Variants in LRWD1 observed in about 807,000 individuals in gnomAD.
LRWD1 encodes leucine rich repeats and WD repeat domain containing 1.
LRWD1 carries 76 observed loss-of-function variants against 75.6 expected under a neutral mutation model. The observed-to-expected ratio is 1.01, with a 90% CI of 0.84 to 1.22. The LOEUF (loss-of-function observed/expected upper bound fraction) is 1.22, where lower values mean the gene tolerates loss of function less well. LRWD1 is among the 50% of genes most tolerant of loss of function. LRWD1 has a pLI of 0.00. For synonymous variants in LRWD1, 487 were observed against 377.0 expected (o/e 1.29, Z -3.38); for missense variants, 917 against 862.0 (o/e 1.06, Z -0.80).
chr7:102,472,418 G>A (rs1359456771), intron 12 of LRWD1, 36 bp from the exon 13 acceptor site: 1 of 1,545,128 alleles, frequency 6.5e-7, no homozygotes, highest in Non-Finnish European at 8.7e-7. Context: ...TGTCTGGGAG[G>A]GGCCACCCTG....
Position 102,465,061 on chromosome 7 carries a change from G to T in LRWD1, c.-20G>T. 1 of 1,476,006 alleles carries T rather than the reference G, an allele frequency of 6.8e-7. No homozygotes were observed. Among genetic ancestry groups the T allele is most frequent in the Admixed American group, 2.6e-5 (1 of 38,474 alleles). The allele number at this position is 1,476,006 out of a possible 1,614,324, so 91.4% of individuals were successfully genotyped here. On this transcript the variant is annotated 5_prime_UTR_variant, in exon 1 of 15. Coordinates refer to ENST00000292616, the MANE Select transcript of LRWD1 (RefSeq NM_152892.3). ...CGCCGGGGTGGCCGACTGGGTCAGC[G>T]CGGGCTGCGCCTCCTCGCCATGGGC...
intron 2 of LRWD1, 42 bp from the exon 3 acceptor site, chr7:102,466,112 C>G (rs373947079): frequency 6.2e-7 from 1 of 1,610,808 alleles, no homozygotes; most frequent in African/African-American, 1.3e-5. Context: ...GGCTCAGGCT[C>G]AGCATCTCCT....
At chr7:102,467,590 T>G (rs887017987) in intron 4 of LRWD1, 111 bp downstream of exon 4, 2 of 1,523,942 alleles carry the variant, frequency 1.3e-6, no homozygotes, top group Non-Finnish European at 1.8e-6. Flanking sequence ...TGAGTCAGGG[T>G]GGGCAGCCCT....
rs2133270462 is a variant in LRWD1, at chr7:102,469,984, A to G, written c.1442+102A>G. The G allele has an allele frequency of 3.6e-6, 5 of 1,381,628 alleles. No individual in the cohort carries two copies. In the South Asian group the frequency reaches 7.8e-5, roughly 22 times the overall value. 85.6% of individuals were successfully genotyped at this position (1,381,628 alleles called of 1,614,324 possible). On this transcript the variant is annotated intron_variant, in intron 11 of 14. Transcript: ENST00000292616. ...GCCTGGGCACACCCGGGTAACCATA[A>G]GGGTTGTTTTTAGAGGCCTCTTCGC...
chr7:102,473,062 G>T lies in LRWD1; in HGVS notation c.*13G>T, dbSNP rs146938090. On this transcript the variant is annotated 3_prime_UTR_variant, in exon 15 of 15. Transcript: ENST00000292616. Reference sequence around the variant, plus strand: ...GGGGAGGATGTAGCCTCACACCATCGCAAAGGACCAGGGACACAGCTAACT... The same window carrying T: ...GGGGAGGATGTAGCCTCACACCATCTCAAAGGACCAGGGACACAGCTAACT... 1.1e-5 allele frequency: 17 copies of T among 1,601,870 alleles called. No individual in the cohort carries two copies. Among genetic ancestry groups the T allele is most frequent in the Non-Finnish European group, 1.4e-5 (17 of 1,173,818 alleles).
At position 102,468,547 on chromosome 7, in the gene LRWD1, C is replaced by A. The variant is rs1385847113; in HGVS notation, c.920-7C>A. 3.8e-6 allele frequency: 6 copies of A among 1,561,684 alleles called. No homozygotes were observed. The highest frequency in any genetic ancestry group is 2.4e-5 in the East Asian group (1 of 41,770). Reference sequence around the variant, plus strand: ...GCTCATCCGACCTCTCAAAACCGGGCACTCAGGGGCCACATCCCAGACCGT... The same window carrying A: ...GCTCATCCGACCTCTCAAAACCGGGAACTCAGGGGCCACATCCCAGACCGT... On this transcript the variant is annotated splice_region_variant and splice_polypyrimidine_tract_variant and intron_variant, in intron 7 of 14. Transcript: ENST00000292616.
rs771764805 is a variant in LRWD1 at position 102,469,860 on chromosome 7, C to T, written c.1420C>T (p.Leu474=). The change falls in exon 11 of 15, where the codon CTG becomes TTG. Residue 474 remains leucine, a synonymous_variant. Coordinates refer to ENST00000292616, the MANE Select transcript of LRWD1 (RefSeq NM_152892.3). ...EGGCCCWDVR[L]DQPQKRRVCE... ...CGGCTGCTGCTGCTGGGACGTGCGG[C>T]TGGACCAGCCCCAAAAGAGGAGGTG... 3.2e-6 allele frequency: 5 copies of T among 1,586,382 alleles called. No homozygotes were observed. In the Admixed American group the frequency reaches 7.0e-5, roughly 22 times the overall value.
At position 102,465,112 on chromosome 7, in the gene LRWD1, A is replaced by G. The variant is rs1299107006; in HGVS notation, c.32A>G (p.Gln11Arg). MGPLSARLLM[Q>R]RGRPKSDRLG... ...CCCCTCTCGGCGCGGCTGCTAATGCAGCGCGGGCGCCCCAAGAGCGACCGG... is the reference window on the plus strand; with the variant it reads ...CCCCTCTCGGCGCGGCTGCTAATGCGGCGCGGGCGCCCCAAGAGCGACCGG... The change falls in exon 1 of 15, where the codon CAG becomes CGG. Residue 11 changes from glutamine to arginine, a missense_variant. Physicochemically the swap from Gln to Arg is conservative, Grantham distance 43 (BLOSUM62 1). Transcript: ENST00000292616. The G allele has an allele frequency of 2.0e-6, 3 of 1,512,834 alleles. No individual in the cohort carries two copies. The highest frequency in any genetic ancestry group is 2.6e-6 in the Non-Finnish European group (3 of 1,134,534). The allele number at this position is 1,512,834 out of a possible 1,614,324, so 93.7% of individuals were successfully genotyped here.
At position 102,468,980 on chromosome 7, in the gene LRWD1, C is replaced by T; in HGVS notation, c.1146C>T (p.Gly382=). ...GLVRLLHVRA[G]FCCGVIRAHK... ...TCCGGCTGCTGCACGTGCGTGCCGG[C>T]TTCTGCTGCGGGGTCATCCGAGCCC... Residue 382 remains glycine, a synonymous_variant, in exon 9 of 15, where the codon GGC becomes GGT. Transcript: ENST00000292616. 3 of 1,612,812 alleles carry T rather than the reference C, an allele frequency of 1.9e-6. No homozygotes were observed. Among genetic ancestry groups the T allele is most frequent in the Non-Finnish European group, 2.5e-6 (3 of 1,179,848 alleles).
At chr7:102,467,082 TG>T (rs1798008910) in intron 3 of LRWD1, among the ~76,000 whole-genome samples, 1 of 147,410 alleles carries the variant, frequency 6.8e-6, no homozygotes, top group Non-Finnish European at 1.5e-5. Flanking sequence ...TGTGTGTGTG[TG>T]TGTGTGTGTG....
Position 102,465,090 on chromosome 7 carries a change from C to T in LRWD1, c.10C>T (p.Leu4Phe), listed in dbSNP as rs1454372987. Residue 4 changes from leucine to phenylalanine, a missense_variant, in exon 1 of 15, where the codon CTC (leucine) becomes TTC (phenylalanine). By Grantham distance (22) the Leu-to-Phe change is conservative (BLOSUM62 0). Coordinates refer to ENST00000292616, the MANE Select transcript of LRWD1 (RefSeq NM_152892.3). ...GCTGCGCCTCCTCGCCATGGGCCCC[C>T]TCTCGGCGCGGCTGCTAATGCAGCG... MGPLSARLLMQRGR... is the reference protein window; with the variant it reads MGPFSARLLMQRGR... The T allele has an allele frequency of 2.0e-6, 3 of 1,496,692 alleles. No individual in the cohort carries two copies. The highest frequency in any genetic ancestry group is 2.7e-6 in the Non-Finnish European group (3 of 1,125,716). 92.7% of individuals were successfully genotyped at this position (1,496,692 alleles called of 1,614,324 possible). A position where few individuals can be genotyped will look rare whatever the true frequency, so the allele number is the denominator to read the frequency against.
rs746712396 is a variant in LRWD1, at chr7:102,468,606, T to G, written c.972T>G (p.Ile324Met). 6.3e-7 allele frequency: 1 copy of G among 1,578,568 alleles called. No homozygotes were observed. Among genetic ancestry groups the G allele is most frequent in the Non-Finnish European group, 8.6e-7 (1 of 1,162,200 alleles). Reference sequence around the variant, plus strand: ...GCGGCGGGGAGGCTGTGTGCGTAATTGATTGCCAGACGGGCATCGTGCTCC... The same window carrying G: ...GCGGCGGGGAGGCTGTGTGCGTAATGGATTGCCAGACGGGCATCGTGCTCC... ...ATCGGEAVCVIDCQTGIVLHK... is the reference protein window; with the variant it reads ...ATCGGEAVCVMDCQTGIVLHK... Residue 324 changes from isoleucine to methionine, a missense_variant, in exon 8 of 15, where the codon ATT becomes ATG. By Grantham distance (10) the Ile-to-Met change is conservative (BLOSUM62 1). Transcript: ENST00000292616.
intron 3 of LRWD1, among the ~76,000 whole-genome samples, chr7:102,466,760 C>CTTTTTTTGTTTTTTTTTTT (rs1797991450): frequency 3.8e-5 from 2 of 53,050 alleles, no homozygotes; most frequent in African/African-American, 1.8e-4. Context: ...TCTTTTTTAC[C>CTTTTTTTGTTTTTTTTTTT]TTTTTTTTTT....
rs35310665 is a variant in LRWD1, at chr7:102,467,816, A to G, written c.671A>G (p.Lys224Arg). The G allele has an allele frequency of 0.067, 104,396 of 1,549,940 alleles. 3,817 individuals are homozygous for G. Among genetic ancestry groups the G allele is most frequent in the Non-Finnish European group, 0.074 (85,342 of 1,146,818 alleles). The change falls in exon 5 of 15, where the codon AAG becomes AGG. Residue 224 changes from lysine (K) to arginine (R), a missense_variant. Transcript: ENST00000292616. ...EKPPEAGAAH[K>R]PRARLAALKR... ...CCCCCAGAAGCTGGAGCTGCCCACAAGCCCAGGGTGAGTGCAGCTCCCAGG... is the reference window on the plus strand; with the variant it reads ...CCCCCAGAAGCTGGAGCTGCCCACAGGCCCAGGGTGAGTGCAGCTCCCAGG...
intron 11 of LRWD1, chr7:102,471,873 C>T (rs749239481): frequency 7.7e-5 from 22 of 284,190 alleles, no homozygotes; most frequent in Non-Finnish European, 1.4e-4. Flanking sequence ...CTGGAAACAC[C>T]TGCTCTACTT....
rs368416746 is a variant in LRWD1, at chr7:102,469,559, C to G, written c.1229-15C>G. Reference sequence around the variant, plus strand: ...ATCTCAGGGCCACTTCTCCCCTACCCCACCCCCTCTTCAGCGGCCTCCTAT... The same window carrying G: ...ATCTCAGGGCCACTTCTCCCCTACCGCACCCCCTCTTCAGCGGCCTCCTAT... On this transcript the variant is annotated splice_polypyrimidine_tract_variant and intron_variant, in intron 9 of 14. Transcript: ENST00000292616. 2 of 1,613,876 alleles carry G rather than the reference C, an allele frequency of 1.2e-6. No individual in the cohort carries two copies. Among genetic ancestry groups the G allele is most frequent in the Non-Finnish European group, 1.7e-6 (2 of 1,179,900 alleles).
rs34048535 is a variant in LRWD1 at position 102,467,748 on chromosome 7, C to T, written c.603C>T (p.Ala201=). The change falls in exon 5 of 15, where the codon GCC becomes GCT. Residue 201 remains alanine, a synonymous_variant. Coordinates refer to ENST00000292616, the MANE Select transcript of LRWD1 (RefSeq NM_152892.3). ...RVRMISEELV[A]ASRTQVQKAN... is the part of the protein sequence containing the mutation. ...GGATGATCTCTGAGGAGCTGGTGGCCGCCAGTAGGACCCAGGTGCAAAAGG... is the reference window on the plus strand; with the variant it reads ...GGATGATCTCTGAGGAGCTGGTGGCTGCCAGTAGGACCCAGGTGCAAAAGG... The T allele has an allele frequency of 2.4e-5, 37 of 1,551,660 alleles. No individual in the cohort carries two copies. Among genetic ancestry groups the T allele is most frequent in the African/African-American group, 1.5e-4 (11 of 73,066 alleles).
chr7:102,473,036 G>C lies in LRWD1; in HGVS notation c.1931G>C (p.Trp644Ser). 5.0e-6 allele frequency: 8 copies of C among 1,613,438 alleles called. No homozygotes were observed. Among genetic ancestry groups the C allele is most frequent in the Non-Finnish European group, 6.8e-6 (8 of 1,179,654 alleles). Reference sequence around the variant, plus strand: ...ACGGACTCCAACATCGTAGCCATCTGGGGGAGGATGTAGCCTCACACCATC... The same window carrying C: ...ACGGACTCCAACATCGTAGCCATCTCGGGGAGGATGTAGCCTCACACCATC... The part of the protein sequence containing the change: ...ALTDSNIVAI[W>S]GRM Residue 644 changes from tryptophan (W) to serine (S), a missense_variant, in exon 15 of 15, where the codon TGG (tryptophan) becomes TCG (serine). Trp to Ser is a radical substitution (Grantham distance 177). Transcript: ENST00000292616.
At chr7:102,469,667 G>T (rs1347667241) in intron 10 of LRWD1, 21 bp downstream of exon 10, 1 of 1,614,140 alleles carries the variant, frequency 6.2e-7, no homozygotes, top group African/African-American at 1.3e-5. Context: ...GGGTGAGGCT[G>T]GGGAGTGGCC....
Sources: allele counts gnomAD v4.1 joint callset (sites outside exome capture counted in the v4.1 genomes callset), GRCh38; gene constraint gnomAD v4.1.1; transcripts MANE v1.5; gene names NCBI Gene and HGNC (gene_info 2026-07-23, HGNC 2026-07-21).